The following KIF16B variants were observed in gnomAD, a reference collection of about 807,000 sequenced individuals.
The protein encoded by KIF16B is kinesin family member 16B.
A neutral mutation model predicts 156.3 loss-of-function variants in KIF16B; 98 were observed. The observed-to-expected ratio is 0.63, with a 90% CI of 0.53 to 0.74. The LOEUF (loss-of-function observed/expected upper bound fraction) is 0.74. KIF16B is among the 30% of genes least tolerant of loss of function. The pLI, the probability that KIF16B is intolerant of heterozygous loss-of-function variation, is 0.00. For missense variants in KIF16B, 1,421 were observed against 1,606.5 expected (o/e 0.88, Z 1.97); for synonymous variants, 564 against 583.7 (o/e 0.97, Z 0.49).
At chr20:16,489,920 C>T (rs560106299) in intron 12 of KIF16B, among the ~76,000 whole-genome samples, 1 of 152,176 alleles carries the variant, frequency 6.6e-6, no homozygotes, top group South Asian at 2.1e-4. Flanking sequence ...CAGCCATATT[C>T]CCTCCGAGAA....
intron 23 of KIF16B, among the ~76,000 whole-genome samples, chr20:16,353,902 A>G (rs1445688113): frequency 6.6e-6 from 1 of 152,224 alleles, no homozygotes; most frequent in Non-Finnish European, 1.5e-5. Flanking sequence ...GTTGGTGCTA[A>G]CACATTCCTG....
At chr20:16,392,792 C>A (rs926322546) in intron 17 of KIF16B, among the ~76,000 whole-genome samples, 1 of 152,222 alleles carries the variant, frequency 6.6e-6, no homozygotes, top group African/African-American at 2.4e-5. Flanking sequence ...CTCTCCCTGA[C>A]ATTTCCCTCC....
intron 17 of KIF16B, among the ~76,000 whole-genome samples, chr20:16,390,948 T>C (rs2065348859): frequency 6.6e-6 from 1 of 151,976 alleles, no homozygotes; most frequent in African/African-American, 2.4e-5. Flanking sequence ...ACACAGAATG[T>C]AAGGAGCCCA....
chr20:16,418,703 C>T lies in KIF16B; in HGVS notation c.1612+8401G>A, dbSNP rs73898714. ...AAACTCTATCCTTGCATCATGCTAA[C>T]CCTGCCAGTTTTTGTTCACGCAACT... On this transcript the variant is annotated intron_variant, in intron 15 of 25. Transcript: ENST00000354981. 3.8e-3 allele frequency among the ~76,000 whole-genome samples: 577 copies of T among 152,304 alleles called. 3 individuals are homozygous for T. Among genetic ancestry groups the T allele is most frequent in the Middle Eastern group, 0.024 (7 of 294 alleles).
chr20:16,528,375 A>G lies in KIF16B; in HGVS notation c.113T>C (p.Leu38Ser). The change falls in exon 2 of 26, where the codon TTA becomes TCA. Residue 38 changes from leucine to serine, a missense_variant. Coordinates refer to ENST00000354981, the MANE Select transcript of KIF16B (RefSeq NM_024704.5). Reference protein sequence around the residue: ...MEKSKTTITNLKIPEGGTGDS... With the variant: ...MEKSKTTITNSKIPEGGTGDS... Reference sequence around the variant, plus strand: ...CAAGGCCAGGTCATGACTTGCCTTTAAGTTTGTGATTGTCGTTTTGCTTTT... The same window carrying G: ...CAAGGCCAGGTCATGACTTGCCTTTGAGTTTGTGATTGTCGTTTTGCTTTT... 3 of 1,613,618 alleles carry G rather than the reference A, an allele frequency of 1.9e-6. No homozygotes were observed. The highest frequency in any genetic ancestry group is 2.7e-5 in the African/African-American group (2 of 75,046).
intron 22 of KIF16B, among the ~76,000 whole-genome samples, chr20:16,358,198 A>G (rs1568882060): frequency 1.3e-5 from 2 of 152,142 alleles, no homozygotes; most frequent in African/African-American, 4.8e-5. Context: ...CAAAGGAAAA[A>G]AAAAATTATA....
intron 19 of KIF16B, among the ~76,000 whole-genome samples, chr20:16,377,057 A>C (rs967493358): frequency 3.3e-5 from 5 of 152,224 alleles, no homozygotes; most frequent in Non-Finnish European, 7.3e-5. Context: ...TGAACTTTTC[A>C]GGCAATGTGA....
chr20:16,494,235 A>T, intron 12 of KIF16B, 56 bp downstream of exon 12: 14 of 1,001,812 alleles, frequency 1.4e-5, no homozygotes, highest in Non-Finnish European at 2.1e-5. Context: ...AAAAAAAAAA[A>T]GTTTTACCAG....
chr20:16,422,925 C>T (rs1004856104), intron 15 of KIF16B, among the ~76,000 whole-genome samples: 8 of 151,964 alleles, frequency 5.3e-5, no homozygotes, highest in African/African-American at 1.2e-4. Flanking sequence ...TTAATAAGCA[C>T]ACATAGTAAA....
chr20:16,466,765 A>C (rs2067503867), intron 12 of KIF16B, among the ~76,000 whole-genome samples: 1 of 151,284 alleles, frequency 6.6e-6, no homozygotes, highest in Non-Finnish European at 1.5e-5. Flanking sequence ...CTGGAGCAGA[A>C]ACCCACCAGC....
At chr20:16,369,025 C>T in intron 22 of KIF16B, 1 of 985,766 alleles carries the variant, frequency 1.0e-6, no homozygotes. Flanking sequence ...CTCAGGATGA[C>T]CATATTTGTT....
chr20:16,495,537 G>A (rs2068425624), intron 11 of KIF16B, among the ~76,000 whole-genome samples: 1 of 152,124 alleles, frequency 6.6e-6, no homozygotes, highest in African/African-American at 2.4e-5. Context: ...ATAAGACTGT[G>A]GGAATTCTAG....
At chr20:16,453,299 T>G (rs2067133127) in intron 12 of KIF16B, among the ~76,000 whole-genome samples, 1 of 151,870 alleles carries the variant, frequency 6.6e-6, no homozygotes, top group African/African-American at 2.4e-5. Flanking sequence ...AAATATAAAC[T>G]ATATAAAATG....
intron 12 of KIF16B, among the ~76,000 whole-genome samples, chr20:16,484,152 G>A (rs2068055252): frequency 6.6e-6 from 1 of 152,096 alleles, no homozygotes. Flanking sequence ...CATTTAACAT[G>A]GTGCACATGA....
In KIF16B at chr20:16,406,466, C is replaced by T. The variant is rs2065789722; in HGVS notation, c.1613-10G>A. 2 of 1,612,556 alleles carry T rather than the reference C, an allele frequency of 1.2e-6. No homozygotes were observed. The highest frequency in any genetic ancestry group is 1.1e-5 in the South Asian group (1 of 91,008). On this transcript the variant is annotated splice_polypyrimidine_tract_variant and intron_variant, in intron 15 of 25. Transcript: ENST00000354981. ...AAGAGAATCACAGCACCTGAAAACA[C>T]ACAAAAACAGTAATGAATTTACAGT...
chr20:16,299,480 T>C (rs1262638350), intron 25 of KIF16B, among the ~76,000 whole-genome samples: 1 of 152,218 alleles, frequency 6.6e-6, no homozygotes, highest in Non-Finnish European at 1.5e-5. Flanking sequence ...AGAAATTGGC[T>C]AGTATAACAG....
chr20:16,275,456 TC>T (rs11476343), intron 25 of KIF16B, among the ~76,000 whole-genome samples: 11,899 of 152,218 alleles, frequency 0.078, 513 homozygotes, highest in African/African-American at 0.088. Flanking sequence ...TTCAAAAGTT[TC>T]CTAAGGCACC....
chr20:16,360,100 A>C (rs2064523795), intron 22 of KIF16B, among the ~76,000 whole-genome samples: 1 of 152,152 alleles, frequency 6.6e-6, no homozygotes, highest in South Asian at 2.1e-4. Flanking sequence ...TAAATTTAAA[A>C]ATCAAAATGT....
At chr20:16,423,502 G>A (rs1484907522) in intron 15 of KIF16B, among the ~76,000 whole-genome samples, 4 of 152,132 alleles carry the variant, frequency 2.6e-5, no homozygotes, top group South Asian at 2.1e-4. Flanking sequence ...TACTTCCCAC[G>A]ATTCTGGGAG....
Sources: allele counts gnomAD v4.1 joint callset (sites outside exome capture counted in the v4.1 genomes callset), GRCh38; gene constraint gnomAD v4.1.1; transcripts MANE v1.5; gene names NCBI Gene and HGNC (gene_info 2026-07-23, HGNC 2026-07-21).